The following ZDHHC21 variants were observed in gnomAD, a reference collection of about 807,000 sequenced individuals.
ZDHHC21 encodes the protein palmitoyltransferase ZDHHC21.
Under a neutral mutation model 34.6 loss-of-function variants are expected in ZDHHC21, and 15 were observed. That is an observed-to-expected ratio of 0.43 (90% CI 0.29 to 0.67). ZDHHC21 has a LOEUF of 0.67. ZDHHC21 is among the 30% of genes least tolerant of loss of function. The pLI, the probability that ZDHHC21 is intolerant of heterozygous loss-of-function variation, is 0.14. For missense variants in ZDHHC21, 344 were observed against 327.7 expected, an observed-to-expected ratio of 1.05 and a Z score of -0.38; for synonymous variants, 142 against 101.8, an observed-to-expected ratio of 1.40 and a Z score of -2.38.
At chr9:14,622,705 A>T (rs2133461493) in intron 8 of ZDHHC21, 1 of 985,376 alleles carries the variant, frequency 1.0e-6, no homozygotes, top group African/African-American at 1.7e-5. Flanking sequence ...ACAATCGCAC[A>T]TAAAGGAATA....
chr9:14,670,247 A>G (rs1215315991), intron 5 of ZDHHC21, among the ~76,000 whole-genome samples: 1 of 152,116 alleles, frequency 6.6e-6, no homozygotes, highest in Non-Finnish European at 1.5e-5. Flanking sequence ...TATATCTAAA[A>G]TGTATTCTCA....
chr9:14,613,466 G>C lies in ZDHHC21; in HGVS notation c.*5500C>G, dbSNP rs1222734267. On this transcript the variant is annotated 3_prime_UTR_variant, in exon 10 of 10. Transcript: ENST00000380916. ...TATATAGCTTGCAATACGCAGGTAA[G>C]CTTTCCCTTTAGTTAACAGCCTGCA... 6.6e-6 allele frequency: 1 copy of C among 151,792 alleles called. No individual in the cohort carries two copies. The highest frequency in any genetic ancestry group is 1.5e-5 in the Non-Finnish European group (1 of 67,810). The allele number at this position is 151,792 out of a possible 1,614,324, so 9.4% of individuals were successfully genotyped here.
chr9:14,691,635 C>T (rs950575672), intron 1 of ZDHHC21, among the ~76,000 whole-genome samples: 1 of 152,158 alleles, frequency 6.6e-6, no homozygotes. Context: ...ACACGGTCCT[C>T]ATCATTTTCT....
Position 14,629,906 on chromosome 9 carries a change from C to T in ZDHHC21, c.621+9990G>A, listed in dbSNP as rs569313165. Among the ~76,000 whole-genome samples the T allele has an allele frequency of 1.0e-3, 155 of 152,146 alleles. 1 individual carries two copies. Among genetic ancestry groups the T allele is most frequent in the African/African-American group, 3.5e-3 (144 of 41,512 alleles). ...TACTAAAAATACAAAAATTAGCTGG[C>T]GTGTTGGTGCACACCTGTAGTCCCA... On this transcript the variant is annotated intron_variant, in intron 8 of 9. Coordinates refer to ENST00000380916, the MANE Select transcript of ZDHHC21 (RefSeq NM_178566.6).
intron 2 of ZDHHC21, among the ~76,000 whole-genome samples, chr9:14,684,375 T>G (rs1307645319): frequency 6.6e-6 from 1 of 150,834 alleles, no homozygotes; most frequent in African/African-American, 2.4e-5. Context: ...AAAATCAATG[T>G]GCAAAAATCA....
At chr9:14,673,028 A>G in intron 4 of ZDHHC21, 100 bp from the exon 5 acceptor site, 1 of 680,056 alleles carries the variant, frequency 1.5e-6, no homozygotes, top group Non-Finnish European at 2.2e-6. Flanking sequence ...AACAAACACC[A>G]TCAGGAGAAA....
At chr9:14,600,242 T>C in the ZDHHC21 span, among the ~76,000 whole-genome samples, 1 of 152,328 alleles carries the variant, frequency 6.6e-6, no homozygotes, top group East Asian at 1.9e-4. Flanking sequence ...GACATGACTG[T>C]ATATTTAGAA....
At position 14,612,551 on chromosome 9, in the gene ZDHHC21, T is replaced by C. The variant is rs1348285268; in HGVS notation, c.*6415A>G. ...TTGTAAAATTAACTACTAAGCAAAA[T>C]TAGTTTTAAAAATCTTACTCTATGT... is the stretch of plus-strand genomic sequence containing the variant. On this transcript the variant is annotated 3_prime_UTR_variant, in exon 10 of 10. Transcript: ENST00000380916. 6.6e-6 allele frequency: 1 copy of C among 151,934 alleles called. No individual in the cohort carries two copies. The highest frequency in any genetic ancestry group is 1.9e-4 in the East Asian group (1 of 5,186). 9.4% of individuals were successfully genotyped at this position (151,934 alleles called of 1,614,324 possible).
At chr9:14,602,942 A>C in the ZDHHC21 span, among the ~76,000 whole-genome samples, 4 of 150,630 alleles carry the variant, frequency 2.7e-5, no homozygotes, top group African/African-American at 7.3e-5. Flanking sequence ...AAAAAAAAAA[A>C]AAAAAAAAAA....
At chr9:14,650,369 A>C (rs143583758) in intron 7 of ZDHHC21, among the ~76,000 whole-genome samples, 113 of 152,018 alleles carry the variant, frequency 7.4e-4, no homozygotes, top group African/African-American at 2.7e-3. Flanking sequence ...TTTTCATCTC[A>C]TATCAATTTT....
intron 1 of ZDHHC21, 73 bp downstream of exon 1, chr9:14,693,156 G>A (rs1402662415): frequency 1.3e-5 from 3 of 239,034 alleles, no homozygotes; most frequent in Non-Finnish European, 2.5e-5. Flanking sequence ...AGCGGGGGCC[G>A]GGGATGGGGG....
chr9:14,604,478 A>G, the ZDHHC21 span, among the ~76,000 whole-genome samples: 1 of 152,202 alleles, frequency 6.6e-6, no homozygotes, highest in South Asian at 2.1e-4. Context: ...AAAAACATTC[A>G]TGAAAATAAT....
At chr9:14,690,842 A>G (rs1839052442) in intron 1 of ZDHHC21, among the ~76,000 whole-genome samples, 1 of 152,182 alleles carries the variant, frequency 6.6e-6, no homozygotes, top group South Asian at 2.1e-4. Flanking sequence ...TTACAATTTC[A>G]CCTGTATTTT....
chr9:14,631,579 T>C (rs1202664661), intron 8 of ZDHHC21, among the ~76,000 whole-genome samples: 1 of 152,354 alleles, frequency 6.6e-6, no homozygotes, highest in Non-Finnish European at 1.5e-5. Context: ...GGTCTAGTTT[T>C]CGGCCTGTCT....
intron 8 of ZDHHC21, among the ~76,000 whole-genome samples, chr9:14,637,877 A>T (rs1263408182): frequency 1.3e-5 from 2 of 152,120 alleles, no homozygotes; most frequent in African/African-American, 4.8e-5. Flanking sequence ...AAAGAAATTA[A>T]AGGAAGAGAC....
In ZDHHC21 at chr9:14,611,741, C is replaced by T. The variant is rs1399499417; in HGVS notation, c.*7225G>A. On this transcript the variant is annotated 3_prime_UTR_variant, in exon 10 of 10. Coordinates refer to ENST00000380916, the MANE Select transcript of ZDHHC21 (RefSeq NM_178566.6). ...ACTAATTCCAGGGACACAAAGTGAG[C>T]TCATACAGCATGATCCACGTGTGCT... The T allele has an allele frequency of 6.6e-6, 1 of 151,938 alleles. No homozygotes were observed. Among genetic ancestry groups the T allele is most frequent in the Non-Finnish European group, 1.5e-5 (1 of 67,914 alleles). 9.4% of individuals were successfully genotyped at this position (151,938 alleles called of 1,614,324 possible).
intron 2 of ZDHHC21, among the ~76,000 whole-genome samples, chr9:14,684,844 C>T (rs1425259892): frequency 6.6e-6 from 1 of 152,106 alleles, no homozygotes; most frequent in Non-Finnish European, 1.5e-5. Flanking sequence ...GGTACTGGTA[C>T]CAAAACAGAG....
the ZDHHC21 span, among the ~76,000 whole-genome samples, chr9:14,604,346 T>C: frequency 4.6e-5 from 7 of 152,272 alleles, no homozygotes; most frequent in East Asian, 1.4e-3. Context: ...TTATAATGAA[T>C]GGCCCAAATC....
chr9:14,601,803 A>G, the ZDHHC21 span, among the ~76,000 whole-genome samples: 1 of 152,188 alleles, frequency 6.6e-6, no homozygotes, highest in Admixed American at 6.5e-5. Flanking sequence ...ATATCATGGA[A>G]TACTATGCAG....
Sources: allele counts gnomAD v4.1 joint callset (sites outside exome capture counted in the v4.1 genomes callset), GRCh38; gene constraint gnomAD v4.1.1; transcripts MANE v1.5; gene names NCBI Gene and HGNC (gene_info 2026-07-23, HGNC 2026-07-21).